Variants in IL17RA observed in about 807,000 individuals in gnomAD.
The protein encoded by IL17RA is interleukin 17 receptor A, also known as interleukin-17 receptor A.
In IL17RA, 34 loss-of-function variants were observed where a neutral mutation model predicts 50.4. The observed-to-expected ratio is 0.67, with a 90% CI of 0.51 to 0.90. The LOEUF (loss-of-function observed/expected upper bound fraction) is 0.90, where lower values mean the gene tolerates loss of function less well. IL17RA is among the 40% of genes least tolerant of loss of function. The probability of loss-of-function intolerance (pLI) is 0.00; values close to 1 mark genes in which losing one functional copy is unlikely to be tolerated. For missense variants in IL17RA, 1,276 were observed against 1,169.8 expected, an observed-to-expected ratio of 1.09 and a Z score of -1.32; for synonymous variants, 585 against 510.4, an observed-to-expected ratio of 1.15 and a Z score of -1.97.
chr22:17,103,267 C>G (rs2061398199), intron 7 of IL17RA, among the ~76,000 whole-genome samples: 1 of 152,224 alleles, frequency 6.6e-6, no homozygotes, highest in South Asian at 2.1e-4. Flanking sequence ...GCAGCCAAAG[C>G]AAAGAGAGAC....
In IL17RA at chr22:17,111,389, G is replaced by A. The variant is rs2061442096; in HGVS notation, c.*1569G>A. On this transcript the variant is annotated 3_prime_UTR_variant, in exon 13 of 13. Coordinates refer to ENST00000319363, the MANE Select transcript of IL17RA (RefSeq NM_014339.7). ...CCCTGAGCTCAGGAAGCCCCAGGGT[G>A]CAAGGGCAAGGAAATGAGGGGTGGT... is the stretch of plus-strand genomic sequence containing the variant. 6.6e-6 allele frequency: 1 copy of A among 152,256 alleles called. No individual in the cohort carries two copies. Among genetic ancestry groups the A allele is most frequent in the Non-Finnish European group, 1.5e-5 (1 of 68,074 alleles). The allele number at this position is 152,256 out of a possible 1,614,324, so 9.4% of individuals were successfully genotyped here. A position where few individuals can be genotyped will look rare whatever the true frequency, so the allele number is the denominator to read the frequency against.
In IL17RA at chr22:17,108,303, T is replaced by G. The variant is rs2061422103; in HGVS notation, c.1088-4T>G. On this transcript the variant is annotated splice_polypyrimidine_tract_variant and splice_region_variant and intron_variant, in intron 12 of 12. Transcript: ENST00000319363. ...GGTCAGCATGTGTGGTCTTGTTTCC[T>G]TAGATGGCCTGCCTGCGGCTGACCT... 2 of 1,613,910 alleles carry G rather than the reference T, an allele frequency of 1.2e-6. No individual in the cohort carries two copies. The highest frequency in any genetic ancestry group is 3.3e-5 in the Admixed American group (2 of 59,998).
rs948738332 is a variant in IL17RA, at chr22:17,108,867, G to C, written c.1648G>C (p.Val550Leu). 2 of 1,609,878 alleles carry C rather than the reference G, an allele frequency of 1.2e-6. No individual in the cohort carries two copies. The highest frequency in any genetic ancestry group is 2.7e-5 in the African/African-American group (2 of 74,874). The part of the protein sequence containing the change: ...EMFQPGRMHR[V>L]GELSGDNYLR... ...GTTCCAGCCGGGCCGCATGCACCGC[G>C]TAGGGGAGCTGTCGGGGGACAACTA... is the stretch of plus-strand genomic sequence containing the variant. Residue 550 changes from valine to leucine, a missense_variant, in exon 13 of 13, where the codon GTA (valine) becomes CTA (leucine). By Grantham distance (32) the Val-to-Leu change is conservative (BLOSUM62 1). Coordinates refer to ENST00000319363, the MANE Select transcript of IL17RA (RefSeq NM_014339.7).
rs566929308 is a variant in IL17RA at position 17,091,963 on chromosome 22, T to A, written c.139-5099T>A. 8.5e-5 allele frequency among the ~76,000 whole-genome samples: 13 copies of A among 152,342 alleles called. No homozygotes were observed. The South Asian group carries it at 2.7e-3, about 32-fold the overall frequency. On this transcript the variant is annotated intron_variant, in intron 1 of 12. Coordinates refer to ENST00000319363, the MANE Select transcript of IL17RA (RefSeq NM_014339.7). The stretch of plus-strand genomic sequence containing the variant: ...CTCCAAAATTGTATCTTTTATATAC[T>A]AATGATTCATTGGTGGCTGGCAGCC...
chr22:17,091,850 CT>C (rs1437379009), intron 1 of IL17RA, among the ~76,000 whole-genome samples: 2 of 151,994 alleles, frequency 1.3e-5, no homozygotes, highest in Non-Finnish European at 2.9e-5. Flanking sequence ...ATTTAGTAAC[CT>C]TTTTAATTTG....
In IL17RA at chr22:17,109,328, C is replaced by T. The variant is rs2061429536; in HGVS notation, c.2109C>T (p.Cys703=). 3.2e-6 allele frequency: 5 copies of T among 1,550,820 alleles called. No homozygotes were observed. The highest frequency in any genetic ancestry group is 3.5e-6 in the Non-Finnish European group (4 of 1,152,548). The change falls in exon 13 of 13, where the codon TGC becomes TGT. Residue 703 remains cysteine, a synonymous_variant. Coordinates refer to ENST00000319363, the MANE Select transcript of IL17RA (RefSeq NM_014339.7). The part of the protein sequence containing the change: ...RLALAGEGEA[C]PLLGSPGAGR... Reference sequence around the variant, plus strand: ...CACTGGCGGGGGAGGGCGAGGCCTGCCCGCTGCTGGGCAGCCCGGGCGCTG... The same window carrying T: ...CACTGGCGGGGGAGGGCGAGGCCTGTCCGCTGCTGGGCAGCCCGGGCGCTG...
chr22:17,090,268 C>T (rs147083710), intron 1 of IL17RA, among the ~76,000 whole-genome samples: 3,754 of 152,296 alleles, frequency 0.025, 124 homozygotes, highest in African/African-American at 0.074. Context: ...AGGCAATCCA[C>T]CTGCCTCGGC....
Position 17,109,748 on chromosome 22 carries a change from G to T in IL17RA, c.2529G>T (p.Leu843=). The change falls in exon 13 of 13, where the codon CTG becomes CTT. Residue 843 remains leucine, a synonymous_variant. Coordinates refer to ENST00000319363, the MANE Select transcript of IL17RA (RefSeq NM_014339.7). The part of the protein sequence containing the change: ...LESLRSLQRQ[L]LFRQLQKNSG... ...GCCTGAGGAGCCTCCAGCGGCAGCT[G>T]CTTTTCCGCCAGCTGCAGAAGAACT... 1 of 1,560,326 alleles carries T rather than the reference G, an allele frequency of 6.4e-7. No individual in the cohort carries two copies.
At position 17,110,011 on chromosome 22, in the gene IL17RA, C is replaced by T; in HGVS notation, c.*191C>T. On this transcript the variant is annotated 3_prime_UTR_variant, in exon 13 of 13. Coordinates refer to ENST00000319363, the MANE Select transcript of IL17RA (RefSeq NM_014339.7). ...CTTTGTGCAGCGGTCTGGTTATCGT[C>T]TATCCCCAGGGGAATCCACACAGCC... 1.6e-6 allele frequency: 1 copy of T among 638,916 alleles called. No individual in the cohort carries two copies. The highest frequency in any genetic ancestry group is 2.9e-5 in the Admixed American group (1 of 34,466). The allele number at this position is 638,916 out of a possible 1,614,324, so 39.6% of individuals were successfully genotyped here.
Position 17,085,042 on chromosome 22 carries a change from T to C in IL17RA, c.-50T>C, listed in dbSNP as rs917864. ...GGAAAAGAAAGCCTCAGAACGTTCG[T>C]TCGCTGCGTCCCCAGCCGGGGCCGA... On this transcript the variant is annotated 5_prime_UTR_variant, in exon 1 of 13. Coordinates refer to ENST00000319363, the MANE Select transcript of IL17RA (RefSeq NM_014339.7). 1,046,212 of 1,296,336 alleles carry C rather than the reference T, an allele frequency of 0.81. 424,317 individuals are homozygous for C. The highest frequency in any genetic ancestry group is 0.96 in the African/African-American group (62,306 of 64,660). 80.3% of individuals were successfully genotyped at this position (1,296,336 alleles called of 1,614,324 possible). A position where few individuals can be genotyped will look rare whatever the true frequency, so the allele number is the denominator to read the frequency against.
At chr22:17,107,526 G>A (rs192865591) in intron 11 of IL17RA, among the ~76,000 whole-genome samples, 1 of 152,370 alleles carries the variant, frequency 6.6e-6, no homozygotes, top group Admixed American at 6.5e-5. Flanking sequence ...AGAGGCACTA[G>A]TAACTGCTCC....
chr22:17,115,497 C>T lies in IL17RA; in HGVS notation c.*5677C>T, dbSNP rs559845151. The stretch of plus-strand genomic sequence containing the variant: ...GCCTCCCGGGCTGCCCTGAGTGAAA[C>T]GCCTGCTTAGCATTTGGCACAGCCA... On this transcript the variant is annotated 3_prime_UTR_variant, in exon 13 of 13. Coordinates refer to ENST00000319363, the MANE Select transcript of IL17RA (RefSeq NM_014339.7). 2 of 152,168 alleles carry T rather than the reference C, an allele frequency of 1.3e-5. No individual in the cohort carries two copies. The highest frequency in any genetic ancestry group is 6.5e-5 in the Admixed American group (1 of 15,278). 9.4% of individuals were successfully genotyped at this position (152,168 alleles called of 1,614,324 possible). A position where few individuals can be genotyped will look rare whatever the true frequency, so the allele number is the denominator to read the frequency against.
chr22:17,100,849 C>T (rs2061388482), intron 5 of IL17RA, among the ~76,000 whole-genome samples: 1 of 152,212 alleles, frequency 6.6e-6, no homozygotes, highest in Non-Finnish European at 1.5e-5. Context: ...AGCCTGGTCC[C>T]AGCCTCCGTG....
chr22:17,103,564 G>C lies in IL17RA; in HGVS notation c.833G>C (p.Arg278Pro), dbSNP rs141467790. 1 of 1,612,250 alleles carries C rather than the reference G, an allele frequency of 6.2e-7. No homozygotes were observed. Among genetic ancestry groups the C allele is most frequent in the Non-Finnish European group, 8.5e-7 (1 of 1,179,280 alleles). ...CTACGCAACCTTAAAGGGTGCTGTC[G>C]CCACCAAGTGCAGGTGGGTGAGTGT... ...LTLRNLKGCC[R>P]HQVQIQPFFS... Residue 278 changes from arginine to proline, a missense_variant, in exon 8 of 13, where the codon CGC becomes CCC. Arg to Pro is a moderately radical substitution (Grantham distance 103). Coordinates refer to ENST00000319363, the MANE Select transcript of IL17RA (RefSeq NM_014339.7).
rs1215781069 is a variant in IL17RA, at chr22:17,108,756, G to A, written c.1537G>A (p.Val513Ile). 11 of 1,611,308 alleles carry A rather than the reference G, an allele frequency of 6.8e-6. No homozygotes were observed. Among genetic ancestry groups the A allele is most frequent in the East Asian group, 2.2e-5 (1 of 44,776 alleles). ...CAGCGAGGTCAGCTGTGACGGCGAC[G>A]TCCCCGACCTGTTCGGCGCGGCGCC... is the stretch of plus-strand genomic sequence containing the variant. ...YFSEVSCDGD[V>I]PDLFGAAPRY... The change falls in exon 13 of 13, where the codon GTC (valine) becomes ATC (isoleucine). Residue 513 changes from valine (V) to isoleucine (I), a missense_variant. By Grantham distance (29) the Val-to-Ile change is conservative. Coordinates refer to ENST00000319363, the MANE Select transcript of IL17RA (RefSeq NM_014339.7).
At chr22:17,093,062 A>G (rs2123793175) in intron 1 of IL17RA, among the ~76,000 whole-genome samples, 1 of 151,484 alleles carries the variant, frequency 6.6e-6, no homozygotes, top group Admixed American at 6.6e-5. Flanking sequence ...AATTGTGTTA[A>G]CAGCATTGTT....
In IL17RA at chr22:17,104,826, C is replaced by T; in HGVS notation, c.931+16C>T. Reference sequence around the variant, plus strand: ...GACACTCCAGGTAGGGGACATGCGGCTGTCCTAGGCCATACTGGGAGAACA... The same window carrying T: ...GACACTCCAGGTAGGGGACATGCGGTTGTCCTAGGCCATACTGGGAGAACA... On this transcript the variant is annotated intron_variant, in intron 9 of 12. Transcript: ENST00000319363. 6.2e-7 allele frequency: 1 copy of T among 1,612,510 alleles called. No individual in the cohort carries two copies. The highest frequency in any genetic ancestry group is 1.1e-5 in the South Asian group (1 of 91,042).
rs947960267 is a variant in IL17RA, at chr22:17,114,928, G to A, written c.*5108G>A. ...ATGGAGAGAAAGCAGCCCTGAAGGTGGCTGTGACGAGGGAAGGGGCAGAGG... is the reference window on the plus strand; with the variant it reads ...ATGGAGAGAAAGCAGCCCTGAAGGTAGCTGTGACGAGGGAAGGGGCAGAGG... On this transcript the variant is annotated 3_prime_UTR_variant, in exon 13 of 13. Transcript: ENST00000319363. 2 of 152,276 alleles carry A rather than the reference G, an allele frequency of 1.3e-5. No individual in the cohort carries two copies. The highest frequency in any genetic ancestry group is 4.8e-5 in the African/African-American group (2 of 41,448). The allele number at this position is 152,276 out of a possible 1,614,324, so 9.4% of individuals were successfully genotyped here. A position where few individuals can be genotyped will look rare whatever the true frequency, so the allele number is the denominator to read the frequency against.
chr22:17,097,171 A>AT, intron 2 of IL17RA, 85 bp downstream of exon 2: 5 of 1,311,730 alleles, frequency 3.8e-6, no homozygotes, highest in Non-Finnish European at 5.5e-6. Flanking sequence ...AAGTCTTGCC[A>AT]TGCCACTCCA....
Sources: allele counts gnomAD v4.1 joint callset (sites outside exome capture counted in the v4.1 genomes callset), GRCh38; gene constraint gnomAD v4.1.1; transcripts MANE v1.5; gene names NCBI Gene and HGNC (gene_info 2026-07-23, HGNC 2026-07-21).